The following GPC6 variants were observed in gnomAD, a reference collection of about 807,000 sequenced individuals.
GPC6 encodes the protein glypican-6.
In GPC6, 14 loss-of-function variants were observed where a neutral mutation model predicts 55.2. That is an observed-to-expected ratio of 0.25 (90% CI 0.17 to 0.40). The LOEUF is 0.40. Among genes scored for constraint, GPC6 ranks in the 10% least tolerant of loss-of-function variants. GPC6 has a pLI of 1.00. For missense variants in GPC6, 641 were observed against 708.5 expected (o/e 0.90, Z 1.08); for synonymous variants, 278 against 259.6 (o/e 1.07, Z -0.68).
chr13:93,242,927 A>G (rs1876482435), intron 1 of GPC6, among the ~76,000 whole-genome samples: 1 of 152,156 alleles, frequency 6.6e-6, no homozygotes, highest in Non-Finnish European at 1.5e-5. Flanking sequence ...TGTGATGTGA[A>G]GACACAAGGG....
intron 1 of GPC6, among the ~76,000 whole-genome samples, chr13:93,328,235 A>C (rs1879723381): frequency 6.6e-6 from 1 of 152,148 alleles, no homozygotes; most frequent in South Asian, 2.1e-4. Context: ...TATATATTAG[A>C]TACTAGAAAA....
intron 2 of GPC6, among the ~76,000 whole-genome samples, chr13:93,561,404 G>T (rs867887777): frequency 4.6e-4 from 48 of 104,654 alleles, no homozygotes; most frequent in Non-Finnish European, 6.3e-4. Context: ...TATCCCTATC[G>T]ATATATATAT....
In GPC6 at chr13:93,775,585, C is replaced by T. The variant is rs140114027; in HGVS notation, c.320-54569C>T. Among the ~76,000 whole-genome samples, 856 of 152,274 alleles carry T rather than the reference C, an allele frequency of 5.6e-3. 4 individuals are homozygous for T. Among genetic ancestry groups the T allele is most frequent in the South Asian group, 8.1e-3 (39 of 4,826 alleles). Reference sequence around the variant, plus strand: ...AGTGATCGTGGAGAAATAATAAGCACGTATATTTGGTCAAGCAAATATTAC... The same window carrying T: ...AGTGATCGTGGAGAAATAATAAGCATGTATATTTGGTCAAGCAAATATTAC... On this transcript the variant is annotated intron_variant, in intron 2 of 8. Coordinates refer to ENST00000377047, the MANE Select transcript of GPC6 (RefSeq NM_005708.5).
chr13:93,251,889 A>G (rs1160441764), intron 1 of GPC6, among the ~76,000 whole-genome samples: 5 of 152,194 alleles, frequency 3.3e-5, no homozygotes, highest in African/African-American at 9.7e-5. Context: ...CAAATCTTTA[A>G]AAACATTTAC....
intron 2 of GPC6, among the ~76,000 whole-genome samples, chr13:93,717,378 T>A (rs1334127771): frequency 6.6e-6 from 1 of 151,590 alleles, no homozygotes; most frequent in Non-Finnish European, 1.5e-5. Flanking sequence ...GGTGTGTAAA[T>A]AAAATCTACC....
intron 1 of GPC6, among the ~76,000 whole-genome samples, chr13:93,231,380 C>CATATATATATATATATATATATATAT (rs1204996148): frequency 6.5e-5 from 2 of 30,930 alleles, no homozygotes; most frequent in Non-Finnish European, 1.2e-4. Flanking sequence ...TATATATATA[C>CATATATATATATATATATATATATAT]ATATATATAT....
Position 94,403,211 on chromosome 13 carries a change from C to G in GPC6, c.1662C>G (p.Cys554Trp), listed in dbSNP as rs1289401299. ...TTGTCCTGGCACTGCAGAGACTGTG[C>G]AGATAATCTTGGGTTTTTGGTCAGA... Reference protein sequence around the residue: ...TCIVLALQRLCR With the variant: ...TCIVLALQRLWR Residue 554 changes from cysteine (C) to tryptophan (W), a missense_variant, in exon 9 of 9, where the codon TGC becomes TGG. Transcript: ENST00000377047. 6.2e-7 allele frequency: 1 copy of G among 1,611,846 alleles called. No individual in the cohort carries two copies. Among genetic ancestry groups the G allele is most frequent in the South Asian group, 1.1e-5 (1 of 91,044 alleles).
chr13:93,682,270 T>C (rs1485566361), intron 2 of GPC6, among the ~76,000 whole-genome samples: 3 of 152,132 alleles, frequency 2.0e-5, no homozygotes, highest in Non-Finnish European at 4.4e-5. Flanking sequence ...GGAACAAGGA[T>C]GCAAAAGGGG....
chr13:94,102,969 G>A (rs1366517779), intron 4 of GPC6, among the ~76,000 whole-genome samples: 1 of 152,138 alleles, frequency 6.6e-6, no homozygotes, highest in East Asian at 1.9e-4. Flanking sequence ...CATGTGCCAT[G>A]TTGGTGTGCT....
intron 2 of GPC6, among the ~76,000 whole-genome samples, chr13:93,714,850 A>T (rs924015143): frequency 3.3e-5 from 5 of 151,616 alleles, no homozygotes; most frequent in Non-Finnish European, 7.4e-5. Context: ...TAAGCTTTTC[A>T]TGGAAAGATG....
At chr13:93,327,442 T>C (rs1013337398) in intron 1 of GPC6, among the ~76,000 whole-genome samples, 1 of 152,184 alleles carries the variant, frequency 6.6e-6, no homozygotes, top group Non-Finnish European at 1.5e-5. Flanking sequence ...ACTTGTTCAT[T>C]GACTCTACTT....
chr13:93,873,241 A>G (rs1027609403), intron 3 of GPC6, among the ~76,000 whole-genome samples: 1 of 151,972 alleles, frequency 6.6e-6, no homozygotes, highest in African/African-American at 2.4e-5. Context: ...ACATTGGAAA[A>G]TTCTGCCTAA....
At chr13:94,310,172 G>A (rs1395017043) in intron 6 of GPC6, among the ~76,000 whole-genome samples, 2 of 152,186 alleles carry the variant, frequency 1.3e-5, no homozygotes, top group Admixed American at 6.5e-5. Flanking sequence ...ACAGCTCACA[G>A]ACGCACTTGG....
chr13:93,865,466 T>A (rs1888934731), intron 3 of GPC6, among the ~76,000 whole-genome samples: 3 of 151,814 alleles, frequency 2.0e-5, no homozygotes, highest in Middle Eastern at 3.4e-3. Flanking sequence ...GCACTTCGTT[T>A]AAGTGGCTTT....
intron 1 of GPC6, among the ~76,000 whole-genome samples, chr13:93,251,835 G>T (rs1876795661): frequency 6.6e-6 from 1 of 152,250 alleles, no homozygotes; most frequent in East Asian, 1.9e-4. Context: ...AGCTCTAATA[G>T]AACTTTAAAA....
intron 2 of GPC6, among the ~76,000 whole-genome samples, chr13:93,612,421 C>T (rs1878512345): frequency 6.6e-6 from 1 of 151,802 alleles, no homozygotes; most frequent in African/African-American, 2.4e-5. Context: ...ATGGCGTGAA[C>T]CCGGGAGGCG....
At chr13:93,559,597 T>G (rs1195206378) in intron 2 of GPC6, among the ~76,000 whole-genome samples, 2 of 152,236 alleles carry the variant, frequency 1.3e-5, no homozygotes, top group African/African-American at 4.8e-5. Context: ...CCAGAGCCTC[T>G]AGAGCTCTGT....
intron 1 of GPC6, among the ~76,000 whole-genome samples, chr13:93,492,840 A>G (rs2139359855): frequency 6.6e-6 from 1 of 150,388 alleles, no homozygotes; most frequent in African/African-American, 2.4e-5. Flanking sequence ...ATTGGCATAT[A>G]TTGAACCAGC....
chr13:94,136,980 A>G (rs1170624018), intron 4 of GPC6, among the ~76,000 whole-genome samples: 1 of 152,216 alleles, frequency 6.6e-6, no homozygotes, highest in East Asian at 1.9e-4. Context: ...AGTTTACATC[A>G]GTAAGACTCA....
Sources: allele counts gnomAD v4.1 joint callset (sites outside exome capture counted in the v4.1 genomes callset), GRCh38; gene constraint gnomAD v4.1.1; transcripts MANE v1.5; gene names NCBI Gene and HGNC (gene_info 2026-07-23, HGNC 2026-07-21).